Variants in TNFAIP8 observed in about 807,000 individuals in gnomAD.
TNFAIP8 encodes the protein tumor necrosis factor alpha-induced protein 8.
Under a neutral mutation model 13.3 loss-of-function variants are expected in TNFAIP8, and 7 were observed. That is an observed-to-expected ratio of 0.52 (90% CI 0.30 to 0.99). The LOEUF (loss-of-function observed/expected upper bound fraction) is 0.99, where lower values mean the gene tolerates loss of function less well. Among genes scored for constraint, TNFAIP8 ranks in the 50% least tolerant of loss-of-function variants. TNFAIP8 has a pLI of 0.07. For synonymous variants in TNFAIP8, 94 were observed against 87.6 expected (o/e 1.07, Z -0.41); for missense variants, 258 against 236.9 (o/e 1.09, Z -0.58).
intron 1 of TNFAIP8, among the ~76,000 whole-genome samples, chr5:119,325,968 G>A (rs1249634894): frequency 6.6e-6 from 1 of 152,090 alleles, no homozygotes; most frequent in Non-Finnish European, 1.5e-5. Flanking sequence ...GTTTATTTTT[G>A]CCCTAGCACC....
At chr5:119,341,720 T>A (rs1414978091) in intron 1 of TNFAIP8, among the ~76,000 whole-genome samples, 1 of 152,194 alleles carries the variant, frequency 6.6e-6, no homozygotes, top group Admixed American at 6.5e-5. Context: ...TTTTGGTTCC[T>A]GGCCTTTAGG....
At chr5:119,313,434 G>A (rs931715892) in intron 1 of TNFAIP8, among the ~76,000 whole-genome samples, 1 of 152,120 alleles carries the variant, frequency 6.6e-6, no homozygotes, top group Non-Finnish European at 1.5e-5. Context: ...TCACTTTCTT[G>A]AGACCACCAT....
Position 119,292,645 on chromosome 5 carries a change from CATATATAT to C in TNFAIP8, c.1+23772_1+23779del, listed in dbSNP as rs56896742. Among the ~76,000 whole-genome samples the C allele has an allele frequency of 8.6e-3, 281 of 32,824 alleles. 16 individuals carry two copies. The highest frequency in any genetic ancestry group is 0.014 in the Non-Finnish European group (157 of 11,048). The allele number at this position is 32,824 out of a possible 152,430, so 21.5% of individuals were successfully genotyped here. On this transcript the variant is annotated intron_variant, in intron 1 of 1. Coordinates refer to the TNFAIP8 transcript ENST00000274456. ...ATTAGTGAATGAATAATCAATGTAGCATATATATATATATATATATATATATATATATA... is the reference window on the plus strand; with the variant it reads ...ATTAGTGAATGAATAATCAATGTAGCATATATATATATATATATATATATA...
intron 1 of TNFAIP8, chr5:119,391,268 A>G: frequency 1.6e-6 from 1 of 639,384 alleles, no homozygotes; most frequent in South Asian, 1.7e-5. Flanking sequence ...ACTAGAAATA[A>G]TCTTATATAA....
intron 1 of TNFAIP8, among the ~76,000 whole-genome samples, chr5:119,294,034 C>CT (rs1043496115): frequency 2.0e-5 from 3 of 151,592 alleles, no homozygotes; most frequent in African/African-American, 7.3e-5. Context: ...CCAATACCTT[C>CT]TTTTTTTTCT....
chr5:119,379,449 G>A (rs1323021558), intron 1 of TNFAIP8, among the ~76,000 whole-genome samples: 3 of 152,128 alleles, frequency 2.0e-5, no homozygotes, highest in African/African-American at 4.8e-5. Context: ...TGGAAGGGGC[G>A]GCATTTACAT....
chr5:119,343,318 A>G (rs1477273066), intron 1 of TNFAIP8, among the ~76,000 whole-genome samples: 1 of 152,186 alleles, frequency 6.6e-6, no homozygotes, highest in Non-Finnish European at 1.5e-5. Flanking sequence ...CAGCTGTCAG[A>G]TTTATTTTTT....
chr5:119,288,950 C>T (rs1300501070), intron 1 of TNFAIP8, among the ~76,000 whole-genome samples: 4 of 152,200 alleles, frequency 2.6e-5, no homozygotes, highest in Admixed American at 2.0e-4. Context: ...ATTTGTGCTC[C>T]TTTTGTTGGC....
chr5:119,368,461 G>C (rs1268239553), intron 1 of TNFAIP8, among the ~76,000 whole-genome samples: 1 of 85,110 alleles, frequency 1.2e-5, no homozygotes, highest in South Asian at 3.1e-4. Flanking sequence ...GTGTGTGTGC[G>C]TGTGTGTGTT....
chr5:119,368,713 A>G (rs562988347), intron 1 of TNFAIP8, among the ~76,000 whole-genome samples: 2 of 152,332 alleles, frequency 1.3e-5, no homozygotes, highest in African/African-American at 4.8e-5. Context: ...GGTAAAGTCA[A>G]TAATGATTCT....
chr5:119,280,896 C>T (rs572432084), intron 1 of TNFAIP8, among the ~76,000 whole-genome samples: 3 of 150,194 alleles, frequency 2.0e-5, no homozygotes, highest in African/African-American at 7.5e-5. Context: ...CTCAGAAGAT[C>T]ACTGATTAGG....
intron 1 of TNFAIP8, among the ~76,000 whole-genome samples, chr5:119,323,261 T>C (rs568763746): frequency 4.6e-5 from 7 of 152,298 alleles, no homozygotes; most frequent in African/African-American, 1.2e-4. Flanking sequence ...AATGCCTCAT[T>C]AGAGTTTTGA....
intron 1 of TNFAIP8, among the ~76,000 whole-genome samples, chr5:119,381,992 T>G (rs1752503474): frequency 6.6e-6 from 1 of 152,152 alleles, no homozygotes; most frequent in African/African-American, 2.4e-5. Context: ...CTTAACAAGC[T>G]ATATATAATG....
chr5:119,318,692 C>T (rs1203808592), intron 1 of TNFAIP8, among the ~76,000 whole-genome samples: 1 of 144,410 alleles, frequency 6.9e-6, no homozygotes, highest in Non-Finnish European at 1.5e-5. Flanking sequence ...GCCCCCTCCC[C>T]TCTCCTGTCC....
rs1262622480 is a variant in TNFAIP8, at chr5:119,371,478, C to G, written c.31+15357C>G. 2.6e-5 allele frequency among the ~76,000 whole-genome samples: 4 copies of G among 152,230 alleles called. 1 individual carries two copies. In the South Asian group the frequency reaches 6.2e-4, roughly 24 times the overall value. The stretch of plus-strand genomic sequence containing the variant: ...ATGTCCATTAACTGCCCTCACCGTT[C>G]TTTTCCAAGCATAACTGCTAGACTG... On this transcript the variant is annotated intron_variant, in intron 1 of 1. Coordinates refer to ENST00000504771, the MANE Select transcript of TNFAIP8 (RefSeq NM_014350.4).
chr5:119,334,059 C>T (rs983145384), intron 1 of TNFAIP8, among the ~76,000 whole-genome samples: 2 of 151,454 alleles, frequency 1.3e-5, no homozygotes, highest in Non-Finnish European at 2.9e-5. Context: ...GTGGGGCAAC[C>T]CGTAAACACA....
chr5:119,283,214 GC>G (rs1215655396), intron 1 of TNFAIP8, among the ~76,000 whole-genome samples: 2 of 152,226 alleles, frequency 1.3e-5, no homozygotes, highest in Non-Finnish European at 2.9e-5. Context: ...TGGCCTGTGG[GC>G]CATTCCGACT....
At chr5:119,369,910 GC>G (rs1752010938) in intron 1 of TNFAIP8, among the ~76,000 whole-genome samples, 1 of 152,194 alleles carries the variant, frequency 6.6e-6, no homozygotes, top group Non-Finnish European at 1.5e-5. Context: ...GTTTGTCTAG[GC>G]CGATGGAGGG....
intron 1 of TNFAIP8, among the ~76,000 whole-genome samples, chr5:119,308,898 A>T (rs961154406): frequency 2.6e-5 from 4 of 151,950 alleles, no homozygotes; most frequent in Admixed American, 6.6e-5. Flanking sequence ...TTGCACTGGA[A>T]GAGCATCTGA....
Sources: gnomAD v4.1 joint callset for allele counts (sites outside exome capture counted in the v4.1 genomes callset) on GRCh38, gnomAD v4.1.1 for gene constraint, MANE v1.5 for transcripts, NCBI Gene and HGNC (gene_info 2026-07-23, HGNC 2026-07-21) for gene names.